HNF1B: variants seen among roughly 807,000 people sequenced by gnomAD.
HNF1B encodes the protein hepatocyte nuclear factor 1-beta.
In HNF1B, 8 loss-of-function variants were observed where a neutral mutation model predicts 61.7. That is an observed-to-expected ratio of 0.13 (90% confidence interval 0.08 to 0.23). HNF1B has a LOEUF of 0.23. Among genes scored for constraint, HNF1B ranks in the 10% least tolerant of loss-of-function variants. HNF1B has a pLI of 1.00. For missense variants in HNF1B, 562 were observed against 714.5 expected, an observed-to-expected ratio of 0.79 and a Z score of 2.43; for synonymous variants, 314 against 287.7, an observed-to-expected ratio of 1.09 and a Z score of -0.93.
intron 5 of HNF1B, among the ~76,000 whole-genome samples, chr17:37,705,262 G>A (rs949379876): frequency 6.6e-6 from 1 of 152,120 alleles, no homozygotes; most frequent in Non-Finnish European, 1.5e-5. Context: ...CTGAGCTCAG[G>A]AGTTCAAGAC....
At position 37,692,329 on chromosome 17, in the gene HNF1B, A is replaced by G. The variant is rs148427149; in HGVS notation, c.1654-4937T>C. Among the ~76,000 whole-genome samples, 355 of 152,322 alleles carry G rather than the reference A, an allele frequency of 2.3e-3. 1 individual carries two copies. Among genetic ancestry groups the G allele is most frequent in the African/African-American group, 8.1e-3 (337 of 41,582 alleles). ...ACCTGCATAACCTTGGGTTGTTATT[A>G]TGGGTGCTTAAAAGTGGATATTGGA... On this transcript the variant is annotated intron_variant, in intron 8 of 8. Coordinates refer to ENST00000617811, the MANE Select transcript of HNF1B (RefSeq NM_000458.4).
In HNF1B at chr17:37,701,162, T is replaced by A. The variant is rs1568638555; in HGVS notation, c.1355A>T (p.Gln452Leu). ...GTTGATGACAGGGACACTCTGTGCTTGGGAGGTGTTGAGGCCTGTGGGAGC... is the reference window on the plus strand; with the variant it reads ...GTTGATGACAGGGACACTCTGTGCTAGGGAGGTGTTGAGGCCTGTGGGAGC... ...MAIAQSLNTSQAQSVPVINSV... is the reference protein window; with the variant it reads ...MAIAQSLNTSLAQSVPVINSV... The change falls in exon 7 of 9, where the codon CAA becomes CTA. Residue 452 changes from glutamine to leucine, a missense_variant. Physicochemically the swap from Gln to Leu is moderately radical, Grantham distance 113. Around this residue, in one of 6 missense-constraint regions of HNF1B, gnomAD observed 211 missense variants for 200.7 expected, o/e 1.05. Coordinates refer to ENST00000617811, the MANE Select transcript of HNF1B (RefSeq NM_000458.4). The A allele has an allele frequency of 1.3e-6, 2 of 1,551,008 alleles. No individual in the cohort carries two copies. The highest frequency in any genetic ancestry group is 1.7e-6 in the Non-Finnish European group (2 of 1,147,152).
At chr17:37,698,921 T>C (rs994594745) in intron 8 of HNF1B, among the ~76,000 whole-genome samples, 155 bp downstream of exon 8, 3 of 144,330 alleles carry the variant, frequency 2.1e-5, no homozygotes, top group Non-Finnish European at 3.0e-5. Context: ...CTTTTTTTTT[T>C]GCCCTGGGAC....
At chr17:37,732,097 C>T (rs1007903377) in intron 3 of HNF1B, among the ~76,000 whole-genome samples, 5 of 152,018 alleles carry the variant, frequency 3.3e-5, no homozygotes, top group African/African-American at 1.2e-4. Flanking sequence ...GTGTGGCTCT[C>T]GAGGAGAAGA....
At chr17:37,743,185 C>G (rs1020903526) in intron 1 of HNF1B, among the ~76,000 whole-genome samples, 1 of 152,296 alleles carries the variant, frequency 6.6e-6, no homozygotes, top group South Asian at 2.1e-4. Flanking sequence ...CCTGTGGCCC[C>G]CGGTGGCCGG....
intron 2 of HNF1B, 94 bp downstream of exon 2, chr17:37,739,346 G>T: frequency 8.6e-7 from 1 of 1,157,378 alleles, no homozygotes; most frequent in South Asian, 1.2e-5. Context: ...GTGCTCACAA[G>T]GCCTTGTCGA....
intron 2 of HNF1B, among the ~76,000 whole-genome samples, chr17:37,735,847 C>T (rs2033817526): frequency 6.6e-6 from 1 of 152,184 alleles, no homozygotes; most frequent in Non-Finnish European, 1.5e-5. Context: ...CAGCCTTGAC[C>T]TCCTGGGCTC....
intron 6 of HNF1B, 75 bp from the exon 7 acceptor site, chr17:37,701,252 C>G (rs2032561461): frequency 7.1e-7 from 1 of 1,400,892 alleles, no homozygotes. Flanking sequence ...TCATTTGAGC[C>G]CCCGCTCAAT....
intron 4 of HNF1B, among the ~76,000 whole-genome samples, chr17:37,725,753 T>A (rs550044619): frequency 5.3e-5 from 8 of 152,356 alleles, no homozygotes; most frequent in African/African-American, 1.9e-4. Flanking sequence ...TGAATATTTT[T>A]ACAACTACCC....
chr17:37,705,922 T>C (rs900948305), intron 5 of HNF1B, among the ~76,000 whole-genome samples: 2 of 152,214 alleles, frequency 1.3e-5, no homozygotes, highest in Admixed American at 6.5e-5. Context: ...CTACACTTTT[T>C]CCATGATACA....
Position 37,688,380 on chromosome 17 carries a change from A to AACACACACACAC in HNF1B, c.1654-1000_1654-989dup, listed in dbSNP as rs5820230. Among the ~76,000 whole-genome samples, 1,218 of 136,154 alleles carry AACACACACACAC rather than the reference A, an allele frequency of 8.9e-3. 9 individuals are homozygous for AACACACACACAC. The highest frequency in any genetic ancestry group is 0.018 in the African/African-American group (655 of 36,294). 89.3% of individuals were successfully genotyped at this position (136,154 alleles called of 152,430 possible). Reference sequence around the variant, plus strand: ...GGCTTATTCTCTCAAGATCCCCCCAAACACACACACACACACACACACACA... The same window carrying AACACACACACAC: ...GGCTTATTCTCTCAAGATCCCCCCAAACACACACACACACACACACACACACACACACACACA... On this transcript the variant is annotated intron_variant, in intron 8 of 8. Transcript: ENST00000617811.
At chr17:37,687,494 C>T in intron 8 of HNF1B, 102 bp from the exon 9 acceptor site, 1 of 880,268 alleles carries the variant, frequency 1.1e-6, no homozygotes, top group Non-Finnish European at 1.9e-6. Context: ...ACTCAACCAG[C>T]AAAGAGCAGC....
At chr17:37,738,720 T>A (rs768089627) in intron 2 of HNF1B, among the ~76,000 whole-genome samples, 50 of 152,128 alleles carry the variant, frequency 3.3e-4, no homozygotes, top group Admixed American at 2.3e-3. Context: ...GTGGGAGAAA[T>A]CTTGGGACAG....
intron 8 of HNF1B, among the ~76,000 whole-genome samples, chr17:37,690,270 T>C (rs1409293520): frequency 6.6e-6 from 1 of 152,184 alleles, no homozygotes; most frequent in Admixed American, 6.5e-5. Flanking sequence ...TCTTCAGCCC[T>C]GGCACAGCTA....
At chr17:37,742,430 G>A (rs570568058) in intron 1 of HNF1B, among the ~76,000 whole-genome samples, 2 of 152,318 alleles carry the variant, frequency 1.3e-5, no homozygotes, top group African/African-American at 4.8e-5. Context: ...TTTGCTTTTC[G>A]TCTTAAGGGA....
At chr17:37,736,714 G>A (rs1378176450) in intron 2 of HNF1B, among the ~76,000 whole-genome samples, 1 of 152,190 alleles carries the variant, frequency 6.6e-6, no homozygotes, top group Non-Finnish European at 1.5e-5. Context: ...CCAGTGTGAG[G>A]GCTGCCTCAG....
intron 4 of HNF1B, among the ~76,000 whole-genome samples, chr17:37,725,363 C>T (rs536792671): frequency 6.6e-6 from 1 of 152,330 alleles, no homozygotes; most frequent in South Asian, 2.1e-4. Flanking sequence ...CCCACGAGCA[C>T]AGCAGCCTGG....
chr17:37,741,651 C>G (rs1338053824), intron 1 of HNF1B, among the ~76,000 whole-genome samples: 1 of 152,208 alleles, frequency 6.6e-6, no homozygotes, highest in East Asian at 1.9e-4. Flanking sequence ...CTCCTCGAAC[C>G]TTAGGGGAAA....
At chr17:37,726,447 C>T (rs1412275115) in intron 4 of HNF1B, among the ~76,000 whole-genome samples, 1 of 152,204 alleles carries the variant, frequency 6.6e-6, no homozygotes, top group East Asian at 1.9e-4. Flanking sequence ...AGTGCTCCAT[C>T]AACACTGGCC....
Sources: allele counts gnomAD v4.1 joint callset (sites outside exome capture counted in the v4.1 genomes callset), GRCh38; gene constraint gnomAD v4.1.1; regional missense constraint gnomAD v4.1.1; transcripts MANE v1.5; gene names NCBI Gene and HGNC (gene_info 2026-07-23, HGNC 2026-07-21).